NIM1K: variants seen among roughly 807,000 people sequenced by gnomAD.
NIM1K encodes serine/threonine-protein kinase NIM1.
Under a neutral mutation model 37.1 loss-of-function variants are expected in NIM1K, and 35 were observed. That is an observed-to-expected ratio of 0.94 (90% CI 0.72 to 1.25). NIM1K has a LOEUF of 1.25. Among genes scored for constraint, NIM1K ranks in the 50% most tolerant of loss-of-function variants. The probability of loss-of-function intolerance (pLI) is 0.00; values close to 1 mark genes in which losing one functional copy is unlikely to be tolerated. For missense variants in NIM1K, 564 were observed against 548.0 expected, an observed-to-expected ratio of 1.03 and a Z score of -0.29; for synonymous variants, 234 against 206.6, an observed-to-expected ratio of 1.13 and a Z score of -1.14.
intron 1 of NIM1K, among the ~76,000 whole-genome samples, chr5:43,243,635 T>C (rs1752736230): frequency 6.6e-6 from 1 of 152,268 alleles, no homozygotes; most frequent in Admixed American, 6.5e-5. Flanking sequence ...ACTTAGATTT[T>C]CTTCACTCTA....
intron 2 of NIM1K, among the ~76,000 whole-genome samples, chr5:43,257,708 G>A (rs1343876876): frequency 6.6e-6 from 1 of 151,794 alleles, no homozygotes. Context: ...GAGGTCTAAT[G>A]CTAGAGAGGG....
intron 1 of NIM1K, among the ~76,000 whole-genome samples, chr5:43,195,883 C>T (rs1432176890): frequency 1.3e-5 from 2 of 151,958 alleles, no homozygotes; most frequent in Admixed American, 6.6e-5. Context: ...AAAGTAAAAG[C>T]GAAAACATCA....
At chr5:43,225,259 CCAA>C (rs1752437807) in intron 1 of NIM1K, among the ~76,000 whole-genome samples, 1 of 34,894 alleles carries the variant, frequency 2.9e-5, no homozygotes, top group Non-Finnish European at 5.7e-5. Context: ...GACCCTCTTT[CCAA>C]AAAAAAAAAA....
chr5:43,248,797 G>C lies in NIM1K; in HGVS notation c.292+2730G>C, dbSNP rs1752822482. Among the ~76,000 whole-genome samples, 2 of 151,412 alleles carry C rather than the reference G, an allele frequency of 1.3e-5. 1 individual carries two copies. Among genetic ancestry groups the C allele is most frequent in the Admixed American group, 1.3e-4 (2 of 15,170 alleles). ...TCAGCTTGAGTCTGAAGGCCAAAAA[G>C]ACCAATGTCCCAGGTAAAGGCAGTC... is the stretch of plus-strand genomic sequence containing the variant. On this transcript the variant is annotated intron_variant, in intron 2 of 3. Coordinates refer to ENST00000326035, the MANE Select transcript of NIM1K (RefSeq NM_153361.4).
At chr5:43,198,338 G>GTCTT (rs140397226) in intron 1 of NIM1K, among the ~76,000 whole-genome samples, 1 of 121,948 alleles carries the variant, frequency 8.2e-6, no homozygotes, top group African/African-American at 3.2e-5. Context: ...CTGTCTTTCT[G>GTCTT]TCTTTCTTTC....
At chr5:43,200,370 G>T (rs963679784) in intron 1 of NIM1K, among the ~76,000 whole-genome samples, 4 of 151,948 alleles carry the variant, frequency 2.6e-5, no homozygotes, top group Non-Finnish European at 5.9e-5. Flanking sequence ...ACGCGATCTC[G>T]GCTCACTGCA....
At chr5:43,241,902 T>G (rs1752708412) in intron 1 of NIM1K, among the ~76,000 whole-genome samples, 1 of 151,960 alleles carries the variant, frequency 6.6e-6, no homozygotes, top group African/African-American at 2.4e-5. Context: ...TATTTTACAT[T>G]TACTTAGATG....
chr5:43,270,706 A>T (rs1208457147), intron 2 of NIM1K, among the ~76,000 whole-genome samples: 1 of 152,236 alleles, frequency 6.6e-6, no homozygotes, highest in Non-Finnish European at 1.5e-5. Flanking sequence ...GTCCAACAGC[A>T]TGGGTGCAGG....
rs138303982 is a variant in NIM1K, at chr5:43,276,411, G to A, written c.293-646G>A. Among the ~76,000 whole-genome samples the A allele has an allele frequency of 8.2e-4, 125 of 152,334 alleles. 1 individual carries two copies. Among genetic ancestry groups the A allele is most frequent in the African/African-American group, 2.9e-3 (121 of 41,572 alleles). The stretch of plus-strand genomic sequence containing the variant: ...AAGAACCAGATCTCATGTGAACTCA[G>A]AGCGAGAGCTCACTTATCACTAAGG... On this transcript the variant is annotated intron_variant, in intron 2 of 3. Transcript: ENST00000326035.
rs185659251 is a variant in NIM1K at position 43,254,879 on chromosome 5, T to C, written c.292+8812T>C. On this transcript the variant is annotated intron_variant, in intron 2 of 3. Transcript: ENST00000326035. Reference sequence around the variant, plus strand: ...CCACTGCACCTGACTGCCCACTGGTTTTAAAAATTGATTCCCCCCTCTTGA... The same window carrying C: ...CCACTGCACCTGACTGCCCACTGGTCTTAAAAATTGATTCCCCCCTCTTGA... 1.7e-4 allele frequency among the ~76,000 whole-genome samples: 26 copies of C among 152,302 alleles called. No individual in the cohort carries two copies. The East Asian group carries it at 3.5e-3, about 20-fold the overall frequency.
chr5:43,232,344 G>C (rs1280811707), intron 1 of NIM1K: 1 of 1,323,996 alleles, frequency 7.6e-7, no homozygotes, highest in African/African-American at 1.4e-5. Flanking sequence ...TTTCTCAGCA[G>C]AGATGACAGG....
intron 2 of NIM1K, among the ~76,000 whole-genome samples, chr5:43,268,043 G>T (rs1753194973): frequency 6.6e-6 from 1 of 152,020 alleles, no homozygotes; most frequent in Non-Finnish European, 1.5e-5. Context: ...GCTGTCAGTG[G>T]GGTGTTGAAG....
intron 1 of NIM1K, among the ~76,000 whole-genome samples, chr5:43,231,644 T>C (rs918011323): frequency 6.6e-6 from 1 of 152,194 alleles, no homozygotes; most frequent in Non-Finnish European, 1.5e-5. Context: ...ATCACAGAAA[T>C]GGACAGTCTG....
Position 43,213,197 on chromosome 5 carries a change from CTTTCTT to C in NIM1K, c.-695+20788_-695+20793del, listed in dbSNP as rs770326593. ...TCTTTCTTTCTTTCTTTCTTTCTTT[CTTTCTT>C]TCTTTCTTTCTTTCTTTCTTTCCTT... On this transcript the variant is annotated intron_variant, in intron 1 of 3. Transcript: ENST00000326035. Among the ~76,000 whole-genome samples the C allele has an allele frequency of 1.3e-3, 70 of 54,032 alleles. 1 individual carries two copies. Among genetic ancestry groups the C allele is most frequent in the Non-Finnish European group, 2.1e-3 (42 of 20,218 alleles). The allele number at this position is 54,032 out of a possible 152,430, so 35.4% of individuals were successfully genotyped here.
rs376165627 is a variant in NIM1K, at chr5:43,245,801, G to C, written c.26G>C (p.Gly9Ala). ...ATGACTGCAGTGTATATGAATGGAG[G>C]TGGCCTGGTGAACCCCCACTATGCC... is the stretch of plus-strand genomic sequence containing the variant. The part of the protein sequence containing the change: MTAVYMNG[G>A]GLVNPHYARW... Residue 9 changes from glycine to alanine, a missense_variant, in exon 2 of 4, where the codon GGT (glycine) becomes GCT (alanine). By Grantham distance (60) the Gly-to-Ala change is moderately conservative. Coordinates refer to ENST00000326035, the MANE Select transcript of NIM1K (RefSeq NM_153361.4). The C allele has an allele frequency of 1.9e-6, 3 of 1,609,468 alleles. No homozygotes were observed. The highest frequency in any genetic ancestry group is 2.5e-6 in the Non-Finnish European group (3 of 1,177,332).
chr5:43,262,741 G>T (rs1183601214), intron 2 of NIM1K, among the ~76,000 whole-genome samples: 2 of 152,022 alleles, frequency 1.3e-5, no homozygotes, highest in Non-Finnish European at 2.9e-5. Flanking sequence ...ATTGGCTGTG[G>T]GTTTATCATA....
intron 1 of NIM1K, among the ~76,000 whole-genome samples, chr5:43,234,852 C>T (rs1304453765): frequency 6.6e-6 from 1 of 152,030 alleles, no homozygotes; most frequent in Admixed American, 6.6e-5. Context: ...CCAGGCTGGT[C>T]TCAAACTCCT....
intron 1 of NIM1K, among the ~76,000 whole-genome samples, chr5:43,208,677 C>G (rs1331129948): frequency 6.6e-6 from 1 of 151,940 alleles, no homozygotes; most frequent in East Asian, 1.9e-4. Context: ...TGTAGAGCCA[C>G]ATGGGCATGA....
At position 43,245,566 on chromosome 5, in the gene NIM1K, C is replaced by G. The variant is rs1038381354; in HGVS notation, c.-210C>G. 2 of 475,996 alleles carry G rather than the reference C, an allele frequency of 4.2e-6. No homozygotes were observed. The highest frequency in any genetic ancestry group is 7.4e-6 in the Non-Finnish European group (2 of 270,502). 29.5% of individuals were successfully genotyped at this position (475,996 alleles called of 1,614,324 possible). A position where few individuals can be genotyped will look rare whatever the true frequency, so the allele number is the denominator to read the frequency against. ...TGGGAAATGTCTTGAGTGAGGCGAG[C>G]AGCTCCTGGCTGGGCTGGGCAGACT... On this transcript the variant is annotated 5_prime_UTR_variant, in exon 2 of 4. Transcript: ENST00000326035.
Sources: allele counts gnomAD v4.1 joint callset (sites outside exome capture counted in the v4.1 genomes callset), GRCh38; gene constraint gnomAD v4.1.1; transcripts MANE v1.5; gene names NCBI Gene and HGNC (gene_info 2026-07-23, HGNC 2026-07-21).